Variants in NWD2 observed in about 807,000 individuals in gnomAD.
The protein encoded by NWD2 is NACHT and WD repeat domain-containing protein 2.
NWD2 carries 37 observed loss-of-function variants against 132.7 expected under a neutral mutation model. That is an observed-to-expected ratio of 0.28 (90% CI 0.21 to 0.37). The LOEUF (loss-of-function observed/expected upper bound fraction) is 0.37. NWD2 is among the 10% of genes least tolerant of loss of function. The pLI is 1.00. For missense variants in NWD2, 1,592 were observed against 2,122.4 expected, an observed-to-expected ratio of 0.75 and a Z score of 4.91; for synonymous variants, 705 against 803.0, an observed-to-expected ratio of 0.88 and a Z score of 2.06.
chr4:37,443,151 T>C lies in NWD2; in HGVS notation c.1297-134T>C. On this transcript the variant is annotated intron_variant, in intron 6 of 6. Coordinates refer to ENST00000309447, the MANE Select transcript of NWD2 (RefSeq NM_001144990.2). The surrounding 1 kb of genome is among the most constrained non-coding windows in gnomAD (Gnocchi z 4.1). The stretch of plus-strand genomic sequence containing the variant: ...TTCTTTGGCCTTCTCAGAGGGTTTT[T>C]CCAATTTTTGGTCCTAAGCTATTTC... The C allele has an allele frequency of 1.4e-6, 1 of 737,574 alleles. No individual in the cohort carries two copies. The highest frequency in any genetic ancestry group is 1.8e-5 in the African/African-American group (1 of 56,722). The allele number at this position is 737,574 out of a possible 1,614,324, so 45.7% of individuals were successfully genotyped here. A position where few individuals can be genotyped will look rare whatever the true frequency, so the allele number is the denominator to read the frequency against.
chr4:37,425,905 G>A (rs1640859120), intron 3 of NWD2, among the ~76,000 whole-genome samples: 1 of 152,150 alleles, frequency 6.6e-6, no homozygotes. Flanking sequence ...CAGATCTAAC[G>A]AATAGTCTAA....
At chr4:37,370,002 C>A (rs2109305122) in intron 3 of NWD2, among the ~76,000 whole-genome samples, 1 of 152,246 alleles carries the variant, frequency 6.6e-6, no homozygotes, top group African/African-American at 2.4e-5. Context: ...CTGTTCTGTT[C>A]TTTAGCATCT....
chr4:37,337,843 C>T (rs992546295), intron 2 of NWD2, among the ~76,000 whole-genome samples: 1 of 152,170 alleles, frequency 6.6e-6, no homozygotes, highest in Non-Finnish European at 1.5e-5. Flanking sequence ...AACTCATCCT[C>T]CTTTTCCCTT....
At chr4:37,289,887 CT>C (rs35900482) in intron 1 of NWD2, among the ~76,000 whole-genome samples, 3 of 151,356 alleles carry the variant, frequency 2.0e-5, no homozygotes, top group Admixed American at 6.6e-5. Context: ...TCAGCAAAGG[CT>C]TTTTTTTTCC....
chr4:37,376,038 T>G (rs1365013633), intron 3 of NWD2, among the ~76,000 whole-genome samples: 1 of 152,208 alleles, frequency 6.6e-6, no homozygotes, highest in African/African-American at 2.4e-5. Flanking sequence ...CATTCCCTTT[T>G]TTTAGACATG....
chr4:37,273,248 T>C (rs1668434491), intron 1 of NWD2, among the ~76,000 whole-genome samples: 1 of 151,726 alleles, frequency 6.6e-6, no homozygotes, highest in Admixed American at 6.6e-5. Flanking sequence ...TCATTGCTTC[T>C]GATAAGAAGT....
At chr4:37,413,550 G>A (rs1721204793) in intron 3 of NWD2, among the ~76,000 whole-genome samples, 2 of 152,194 alleles carry the variant, frequency 1.3e-5, no homozygotes, top group African/African-American at 4.8e-5. Context: ...AATCATTGTG[G>A]AAGACAGTGT....
chr4:37,366,368 C>T (rs1720099627), intron 3 of NWD2, among the ~76,000 whole-genome samples: 1 of 152,062 alleles, frequency 6.6e-6, no homozygotes, highest in African/African-American at 2.4e-5. Context: ...TCCCATTGCC[C>T]TATCAGTCTA....
intron 3 of NWD2, among the ~76,000 whole-genome samples, chr4:37,427,736 T>C (rs963032794): frequency 5.9e-5 from 9 of 152,198 alleles, no homozygotes; most frequent in African/African-American, 2.2e-4. Flanking sequence ...TGAGGAGGCT[T>C]GAGCTTTGAG....
intron 3 of NWD2, among the ~76,000 whole-genome samples, chr4:37,425,285 G>C (rs554887307): frequency 6.6e-6 from 1 of 152,216 alleles, no homozygotes; most frequent in Non-Finnish European, 1.5e-5. Context: ...TATTATTCTA[G>C]AATTATACAT....
chr4:37,408,483 T>C (rs1370837902), intron 3 of NWD2, among the ~76,000 whole-genome samples: 1 of 152,158 alleles, frequency 6.6e-6, no homozygotes, highest in Non-Finnish European at 1.5e-5. Context: ...GCCAGATTTT[T>C]CTTCTCTGGG....
At chr4:37,360,582 A>T (rs2109302123) in intron 3 of NWD2, among the ~76,000 whole-genome samples, 1 of 152,346 alleles carries the variant, frequency 6.6e-6, no homozygotes, top group South Asian at 2.1e-4. Context: ...GAGACAAATC[A>T]CAGCTGAGTA....
chr4:37,354,561 A>G (rs1259355244), intron 2 of NWD2, among the ~76,000 whole-genome samples: 1 of 152,156 alleles, frequency 6.6e-6, no homozygotes, highest in Non-Finnish European at 1.5e-5. Context: ...AGGAACCTAG[A>G]GAGGCAGTCT....
At chr4:37,401,140 T>G (rs1344690148) in intron 3 of NWD2, among the ~76,000 whole-genome samples, 2 of 152,214 alleles carry the variant, frequency 1.3e-5, no homozygotes, top group Non-Finnish European at 2.9e-5. Context: ...ATGTCAATTT[T>G]GTATAGCCAT....
At chr4:37,421,598 G>A (rs773566749) in intron 3 of NWD2, among the ~76,000 whole-genome samples, 9 of 152,192 alleles carry the variant, frequency 5.9e-5, no homozygotes, top group Non-Finnish European at 8.8e-5. Flanking sequence ...ATATGATTTT[G>A]AGAAAGCTGA....
At chr4:37,319,964 T>C (rs1197135127) in intron 1 of NWD2, among the ~76,000 whole-genome samples, 1 of 152,194 alleles carries the variant, frequency 6.6e-6, no homozygotes, top group East Asian at 1.9e-4. Flanking sequence ...TCAGTCCCTT[T>C]TCTGATTCTG....
chr4:37,443,391 T>C lies in NWD2; in HGVS notation c.1403T>C (p.Leu468Pro), dbSNP rs1560257147. 1 of 1,552,136 alleles carries C rather than the reference T, an allele frequency of 6.4e-7. No homozygotes were observed. Among genetic ancestry groups the C allele is most frequent in the Admixed American group, 2.0e-5 (1 of 51,002 alleles). The change falls in exon 7 of 7, where the codon CTA becomes CCA. Residue 468 changes from leucine (L) to proline (P), a missense_variant. By Grantham distance (98) the Leu-to-Pro change is moderately conservative (BLOSUM62 -3). Coordinates refer to ENST00000309447, the MANE Select transcript of NWD2 (RefSeq NM_001144990.2). The surrounding 1 kb of genome is among the most constrained non-coding windows in gnomAD (Gnocchi z 4.1). ...AGCTCTGACCTTAGGACTCTCCTTC[T>C]AAGTGTTTGTGAACAATTGGCAGTT... ...DMSSDLRTLL[L>P]SVCEQLAVNY... is the part of the protein sequence containing the mutation.
At chr4:37,388,457 T>C (rs1009568809) in intron 3 of NWD2, among the ~76,000 whole-genome samples, 1 of 152,122 alleles carries the variant, frequency 6.6e-6, no homozygotes, top group Non-Finnish European at 1.5e-5. Flanking sequence ...GTGCTGGGAT[T>C]ACAGGCGTGA....
At chr4:37,337,935 T>C (rs953753771) in intron 2 of NWD2, among the ~76,000 whole-genome samples, 6 of 152,230 alleles carry the variant, frequency 3.9e-5, no homozygotes, top group African/African-American at 1.4e-4. Context: ...CCTTTAAAAC[T>C]AGATCCAAGC....
Sources: allele counts gnomAD v4.1 joint callset (sites outside exome capture counted in the v4.1 genomes callset), GRCh38; gene constraint gnomAD v4.1.1; non-coding constraint Gnocchi (gnomAD v3.1); transcripts MANE v1.5; gene names NCBI Gene and HGNC (gene_info 2026-07-23, HGNC 2026-07-21).